Variants in KLHL3 observed in about 807,000 individuals in gnomAD.
KLHL3 encodes the protein kelch-like protein 3.
In KLHL3, 19 loss-of-function variants were observed where a neutral mutation model predicts 70.5. That is an observed-to-expected ratio of 0.27 (90% CI 0.19 to 0.40). The LOEUF is 0.40. Ranked by LOEUF, KLHL3 falls within the 10% of genes least tolerant of loss-of-function variation. The pLI is 1.00. For missense variants in KLHL3, 512 were observed against 771.1 expected (o/e 0.66, Z 3.98); for synonymous variants, 258 against 290.3 (o/e 0.89, Z 1.13).
intron 4 of KLHL3, among the ~76,000 whole-genome samples, chr5:137,696,321 GAA>G (rs1752443540): frequency 1.4e-5 from 1 of 71,598 alleles, no homozygotes; most frequent in Non-Finnish European, 2.7e-5. Flanking sequence ...CATAAAGAAA[GAA>G]AGGAAAAGAG....
At chr5:137,683,010 A>G (rs1014835061) in intron 5 of KLHL3, among the ~76,000 whole-genome samples, 5 of 152,212 alleles carry the variant, frequency 3.3e-5, no homozygotes, top group Admixed American at 2.6e-4. Context: ...GAGACATAAT[A>G]TATGTAAAAT....
In KLHL3 at chr5:137,635,379, G is replaced by A. The variant is rs1464658466; in HGVS notation, c.1322-1214C>T. Among the ~76,000 whole-genome samples, 22 of 152,138 alleles carry A rather than the reference G, an allele frequency of 1.4e-4. 1 individual carries two copies. Among genetic ancestry groups the A allele is most frequent in the Non-Finnish European group, 1.5e-5 (1 of 68,030 alleles). ...GACTAAGCAGCTCTTCTAGGGTCCAGGCTACTTGCATGGTATGTGCTGGTT... is the reference window on the plus strand; with the variant it reads ...GACTAAGCAGCTCTTCTAGGGTCCAAGCTACTTGCATGGTATGTGCTGGTT... On this transcript the variant is annotated intron_variant, in intron 11 of 14. Transcript: ENST00000309755.
At chr5:137,655,850 G>T (rs1405388629) in intron 8 of KLHL3, among the ~76,000 whole-genome samples, 2 of 151,776 alleles carry the variant, frequency 1.3e-5, no homozygotes, top group East Asian at 1.9e-4. Flanking sequence ...AATTAGCTGG[G>T]TGTGTTGGCA....
intron 13 of KLHL3, among the ~76,000 whole-genome samples, chr5:137,627,061 T>C (rs1750483853): frequency 6.6e-6 from 1 of 152,108 alleles, no homozygotes; most frequent in Admixed American, 6.6e-5. Flanking sequence ...TGTGTACTAA[T>C]TTAGCTATAA....
chr5:137,666,297 T>C (rs1751612196), intron 6 of KLHL3, among the ~76,000 whole-genome samples: 1 of 152,138 alleles, frequency 6.6e-6, no homozygotes, highest in African/African-American at 2.4e-5. Context: ...TAGTCTGCCT[T>C]TGCCAGGTTA....
intron 5 of KLHL3, among the ~76,000 whole-genome samples, chr5:137,690,886 G>C (rs919521369): frequency 6.6e-6 from 1 of 152,084 alleles, no homozygotes; most frequent in Non-Finnish European, 1.5e-5. Flanking sequence ...CTTGAGCAGG[G>C]GTAAGAAGGA....
chr5:137,733,470 C>T (rs1753212550), intron 1 of KLHL3, among the ~76,000 whole-genome samples: 1 of 152,170 alleles, frequency 6.6e-6, no homozygotes, highest in Admixed American at 6.5e-5. Flanking sequence ...AAGGCACCAG[C>T]CTTGCCCTTG....
At chr5:137,676,911 A>ATTAC (rs1238961664) in intron 6 of KLHL3, among the ~76,000 whole-genome samples, 3 of 152,178 alleles carry the variant, frequency 2.0e-5, no homozygotes, top group Non-Finnish European at 4.4e-5. Flanking sequence ...CAGGGACAAT[A>ATTAC]GTAATGTCTG....
intron 3 of KLHL3, 22 bp from the exon 4 acceptor site, chr5:137,698,430 A>G: frequency 1.2e-6 from 2 of 1,613,770 alleles, no homozygotes; most frequent in Non-Finnish European, 1.7e-6. Context: ...AACAAAAACA[A>G]AATGACATAA....
At chr5:137,692,751 T>C in intron 4 of KLHL3, 1 of 304,934 alleles carries the variant, frequency 3.3e-6, no homozygotes. Flanking sequence ...GAGCCTGCAT[T>C]TCTAATAAGA....
chr5:137,708,266 A>T (rs1752722942), intron 3 of KLHL3, among the ~76,000 whole-genome samples: 2 of 152,214 alleles, frequency 1.3e-5, no homozygotes, highest in South Asian at 4.1e-4. Flanking sequence ...CACATGTGAC[A>T]AACTCTCAGT....
At chr5:137,665,867 G>C (rs1580744598) in intron 6 of KLHL3, among the ~76,000 whole-genome samples, 1 of 152,130 alleles carries the variant, frequency 6.6e-6, no homozygotes. Context: ...AAGGGGAAAG[G>C]GGAAGGGAAA....
rs781515968 is a variant in KLHL3, at chr5:137,625,858, C to T, written c.1630G>A (p.Gly544Arg). ...GCCAAGTTGCAGGATCCATCATCCC[C>T]TCCAACCACATACAGGAGCCCATTT... ...AVNGLLYVVG[G>R]DDGSCNLASV... The change falls in exon 14 of 15, where the codon GGG (glycine) becomes AGG (arginine). Residue 544 changes from glycine to arginine, a missense_variant. Physicochemically the swap from Gly to Arg is moderately radical, Grantham distance 125 (BLOSUM62 -2). Coordinates refer to ENST00000309755, the MANE Select transcript of KLHL3 (RefSeq NM_017415.3). 1 of 1,614,202 alleles carries T rather than the reference C, an allele frequency of 6.2e-7. No homozygotes were observed. The highest frequency in any genetic ancestry group is 8.5e-7 in the Non-Finnish European group (1 of 1,180,048).
At chr5:137,647,018 G>C (rs1341924759) in intron 8 of KLHL3, among the ~76,000 whole-genome samples, 1 of 152,116 alleles carries the variant, frequency 6.6e-6, no homozygotes, top group Non-Finnish European at 1.5e-5. Flanking sequence ...CAGAAGTTCT[G>C]GTGAATGGAG....
chr5:137,725,158 G>A (rs1277056876), intron 1 of KLHL3: 3 of 546,516 alleles, frequency 5.5e-6, no homozygotes, highest in African/African-American at 2.1e-5. Flanking sequence ...TCCAAATAAG[G>A]CTAGTGGATC....
chr5:137,674,144 T>C (rs1380081786), intron 6 of KLHL3, among the ~76,000 whole-genome samples: 1 of 152,216 alleles, frequency 6.6e-6, no homozygotes, highest in African/African-American at 2.4e-5. Flanking sequence ...TTAATCCTCA[T>C]AGCAACCTTA....
intron 4 of KLHL3, among the ~76,000 whole-genome samples, 194 bp downstream of exon 4, chr5:137,698,093 G>A (rs576180287): frequency 2.6e-5 from 4 of 152,354 alleles, no homozygotes; most frequent in East Asian, 3.9e-4. Context: ...CCCAAGCCAG[G>A]AAGGCATGAG....
At chr5:137,637,108 A>T (rs1046533607) in intron 11 of KLHL3, among the ~76,000 whole-genome samples, 186 bp downstream of exon 11, 3 of 152,174 alleles carry the variant, frequency 2.0e-5, no homozygotes, top group Non-Finnish European at 2.9e-5. Context: ...GCCTTGGGCC[A>T]GGAGCTCCAC....
intron 2 of KLHL3, among the ~76,000 whole-genome samples, chr5:137,715,965 A>G (rs1428702688): frequency 2.0e-5 from 3 of 152,210 alleles, no homozygotes; most frequent in African/African-American, 7.2e-5. Context: ...AGGGTCACAC[A>G]ATAAGTACTA....
Sources: gnomAD v4.1 joint callset for allele counts (sites outside exome capture counted in the v4.1 genomes callset) on GRCh38, gnomAD v4.1.1 for gene constraint, MANE v1.5 for transcripts, NCBI Gene and HGNC (gene_info 2026-07-23, HGNC 2026-07-21) for gene names.